Variants in PRKD1 observed in about 807,000 individuals in gnomAD.
PRKD1 encodes protein kinase D1.
PRKD1 carries 63 observed loss-of-function variants against 95.9 expected under a neutral mutation model. That is an observed-to-expected ratio of 0.66 (90% CI 0.54 to 0.81). The LOEUF (loss-of-function observed/expected upper bound fraction) is 0.81, where lower values mean the gene tolerates loss of function less well. PRKD1 is among the 30% of genes least tolerant of loss of function. The probability of loss-of-function intolerance (pLI) is 0.00; values close to 1 mark genes in which losing one functional copy is unlikely to be tolerated. For synonymous variants in PRKD1, 425 were observed against 423.1 expected (o/e 1.00, Z -0.05); for missense variants, 1,048 against 1,165.3 (o/e 0.90, Z 1.47).
intron 2 of PRKD1, among the ~76,000 whole-genome samples, chr14:29,724,821 T>C (rs895454816): frequency 1.3e-5 from 2 of 152,196 alleles, no homozygotes; most frequent in Non-Finnish European, 2.9e-5. Context: ...CAATAAAAAT[T>C]TGGATACATT....
At chr14:29,877,464 T>C (rs1210940149) in intron 1 of PRKD1, among the ~76,000 whole-genome samples, 1 of 152,218 alleles carries the variant, frequency 6.6e-6, no homozygotes, top group Non-Finnish European at 1.5e-5. Context: ...TAATAGTTTA[T>C]TTTGCTGTGC....
intron 1 of PRKD1, among the ~76,000 whole-genome samples, chr14:29,782,601 G>T (rs999058688): frequency 4.6e-5 from 7 of 152,074 alleles, no homozygotes; most frequent in African/African-American, 1.7e-4. Flanking sequence ...TGCTATCATG[G>T]GTCACTGCAG....
intron 1 of PRKD1, among the ~76,000 whole-genome samples, chr14:29,766,585 A>C (rs970332764): frequency 3.3e-5 from 5 of 152,238 alleles, no homozygotes; most frequent in Non-Finnish European, 7.3e-5. Context: ...TCTCAACCTC[A>C]GCAGCAGAAG....
intron 1 of PRKD1, among the ~76,000 whole-genome samples, chr14:29,736,621 T>C (rs1886726309): frequency 6.6e-6 from 1 of 152,180 alleles, no homozygotes; most frequent in Non-Finnish European, 1.5e-5. Context: ...TGCAAACATC[T>C]GAGATAAGTG....
intron 1 of PRKD1, chr14:29,751,172 A>G (rs1052966811): frequency 6.6e-6 from 1 of 152,180 alleles, no homozygotes; most frequent in Non-Finnish European, 1.5e-5. Context: ...TCAACTTTTG[A>G]TCAATTATAG....
At chr14:29,922,300 CA>C (rs749652649) in intron 1 of PRKD1, among the ~76,000 whole-genome samples, 167 of 73,796 alleles carry the variant, frequency 2.3e-3, no homozygotes, top group Admixed American at 2.7e-3. Flanking sequence ...GACTCCATCT[CA>C]AAAAAAAAAA....
intron 1 of PRKD1, among the ~76,000 whole-genome samples, chr14:29,856,914 A>G (rs922864868): frequency 1.3e-5 from 2 of 152,196 alleles, no homozygotes; most frequent in Admixed American, 1.3e-4. Context: ...CTCGAGCCTA[A>G]CAAGGGAACA....
intron 2 of PRKD1, among the ~76,000 whole-genome samples, chr14:29,718,496 C>G (rs1420230038): frequency 6.6e-6 from 1 of 151,980 alleles, no homozygotes; most frequent in Admixed American, 6.6e-5. Flanking sequence ...TGAAAATGGA[C>G]TAATACACAG....
At chr14:29,886,559 CA>C in intron 1 of PRKD1, among the ~76,000 whole-genome samples, 1 of 152,172 alleles carries the variant, frequency 6.6e-6, no homozygotes, top group Non-Finnish European at 1.5e-5. Context: ...TTCAAATGAA[CA>C]AGTTACTTTC....
chr14:29,918,736 A>T (rs1268942095), intron 1 of PRKD1, among the ~76,000 whole-genome samples: 1 of 152,312 alleles, frequency 6.6e-6, no homozygotes, highest in African/African-American at 2.4e-5. Flanking sequence ...CTATGGAATC[A>T]AACAAACTGA....
chr14:29,898,255 A>T (rs1364388002), intron 1 of PRKD1, among the ~76,000 whole-genome samples: 1 of 152,162 alleles, frequency 6.6e-6, no homozygotes, highest in Non-Finnish European at 1.5e-5. Context: ...ATGGTCATTA[A>T]ATATGATAAT....
At chr14:29,887,609 A>T (rs1462094102) in intron 1 of PRKD1, among the ~76,000 whole-genome samples, 1 of 152,220 alleles carries the variant, frequency 6.6e-6, no homozygotes, top group African/African-American at 2.4e-5. Flanking sequence ...AGTTATGAGT[A>T]TATAGTCATG....
At chr14:29,626,638 A>G in intron 11 of PRKD1, 82 bp from the exon 12 acceptor site, 1 of 724,276 alleles carries the variant, frequency 1.4e-6, no homozygotes, top group Non-Finnish European at 2.0e-6. Flanking sequence ...TCTATTAAAT[A>G]TATTATAAAC....
intron 1 of PRKD1, among the ~76,000 whole-genome samples, chr14:29,777,700 C>G (rs1179199304): frequency 6.6e-6 from 1 of 152,132 alleles, no homozygotes; most frequent in East Asian, 1.9e-4. Context: ...TAATGGGAGA[C>G]TTTACCACCC....
In PRKD1 at chr14:29,577,024, G is replaced by A; in HGVS notation, c.*214C>T. 1 of 586,666 alleles carries A rather than the reference G, an allele frequency of 1.7e-6. No individual in the cohort carries two copies. Among genetic ancestry groups the A allele is most frequent in the Non-Finnish European group, 3.0e-6 (1 of 331,800 alleles). The allele number at this position is 586,666 out of a possible 1,614,324, so 36.3% of individuals were successfully genotyped here. ...CACAATAACAAGTTTCGTGTTTCAG[G>A]GAACTTTTGTTAATACAACACAGTT... On this transcript the variant is annotated 3_prime_UTR_variant, in exon 18 of 18. Coordinates refer to ENST00000331968, the MANE Select transcript of PRKD1 (RefSeq NM_002742.3).
At chr14:29,718,829 C>T (rs908755165) in intron 2 of PRKD1, among the ~76,000 whole-genome samples, 1 of 152,142 alleles carries the variant, frequency 6.6e-6, no homozygotes, top group African/African-American at 2.4e-5. Flanking sequence ...ACAATTAATT[C>T]TGCCTTCTTA....
intron 4 of PRKD1, among the ~76,000 whole-genome samples, chr14:29,648,093 A>G (rs1039245422): frequency 6.6e-5 from 10 of 152,224 alleles, no homozygotes; most frequent in African/African-American, 2.4e-4. Flanking sequence ...GAAAGAGATA[A>G]GGTTAATTAA....
chr14:29,783,547 T>A (rs1889141423), intron 1 of PRKD1, among the ~76,000 whole-genome samples: 1 of 152,200 alleles, frequency 6.6e-6, no homozygotes, highest in Admixed American at 6.5e-5. Context: ...ATATGGTGGT[T>A]CCATTTTAAG....
intron 1 of PRKD1, among the ~76,000 whole-genome samples, chr14:29,839,533 C>T (rs79970656): frequency 2.2e-3 from 332 of 152,218 alleles, no homozygotes; most frequent in African/African-American, 7.3e-3. Flanking sequence ...GTCTGGAGGA[C>T]GGTGGCCCTC....
Sources: allele counts gnomAD v4.1 joint callset (sites outside exome capture counted in the v4.1 genomes callset), GRCh38; gene constraint gnomAD v4.1.1; transcripts MANE v1.5; gene names NCBI Gene and HGNC (gene_info 2026-07-23, HGNC 2026-07-21).